GAP43: variants seen among roughly 807,000 people sequenced by gnomAD.
GAP43 encodes the protein neuromodulin.
In GAP43, 6 loss-of-function variants were observed where a neutral mutation model predicts 18.6. That is an observed-to-expected ratio of 0.32 (90% CI 0.18 to 0.64). The LOEUF (loss-of-function observed/expected upper bound fraction) is 0.64. Among genes scored for constraint, GAP43 ranks in the 30% least tolerant of loss-of-function variants. GAP43 has a pLI of 0.78. For missense variants in GAP43, 292 were observed against 295.5 expected (o/e 0.99, Z 0.09); for synonymous variants, 115 against 111.4 (o/e 1.03, Z -0.20).
At chr3:115,675,392 A>G (rs1708868135) in intron 1 of GAP43, among the ~76,000 whole-genome samples, 1 of 152,148 alleles carries the variant, frequency 6.6e-6, no homozygotes. Context: ...TTGAGTTGTC[A>G]AAGTACTTCT....
intron 2 of GAP43, among the ~76,000 whole-genome samples, chr3:115,712,412 T>C (rs962108583): frequency 6.9e-6 from 1 of 144,104 alleles, no homozygotes; most frequent in African/African-American, 2.7e-5. Flanking sequence ...AGTGGAAGAA[T>C]TGCTTTTTTT....
chr3:115,628,615 T>A (rs1250259617), intron 1 of GAP43, among the ~76,000 whole-genome samples: 2 of 152,206 alleles, frequency 1.3e-5, no homozygotes, highest in African/African-American at 4.8e-5. Flanking sequence ...TGTCAATCCC[T>A]GTTCCTGAAA....
At chr3:115,707,860 CTT>C (rs1709384057) in intron 2 of GAP43, among the ~76,000 whole-genome samples, 1 of 151,984 alleles carries the variant, frequency 6.6e-6, no homozygotes, top group African/African-American at 2.4e-5. Flanking sequence ...AATTTACAAA[CTT>C]TTGCTATTTC....
chr3:115,713,124 C>T (rs917454533), intron 2 of GAP43, among the ~76,000 whole-genome samples: 2 of 152,106 alleles, frequency 1.3e-5, no homozygotes, highest in African/African-American at 4.8e-5. Flanking sequence ...AAGAAAAAGA[C>T]TGTGTGAGCA....
chr3:115,702,904 G>A (rs961486817), intron 2 of GAP43, among the ~76,000 whole-genome samples: 1 of 152,092 alleles, frequency 6.6e-6, no homozygotes, highest in Non-Finnish European at 1.5e-5. Flanking sequence ...TGAGTCTTAC[G>A]GGAGTCCTGA....
At chr3:115,682,029 T>G (rs991330926) in intron 2 of GAP43, among the ~76,000 whole-genome samples, 1 of 152,222 alleles carries the variant, frequency 6.6e-6, no homozygotes, top group African/African-American at 2.4e-5. Flanking sequence ...AACATCTCTC[T>G]TCTTTGGATA....
In GAP43 at chr3:115,672,018, T is replaced by A. The variant is rs548004825; in HGVS notation, c.31-3995T>A. Among the ~76,000 whole-genome samples the A allele has an allele frequency of 5.9e-5, 9 of 152,356 alleles. No homozygotes were observed. In the East Asian group the frequency reaches 1.5e-3, roughly 26 times the overall value. On this transcript the variant is annotated intron_variant, in intron 1 of 2. Coordinates refer to ENST00000305124, the MANE Select transcript of GAP43 (RefSeq NM_002045.4). ...AGTAGCATTTGTATAGTGCTTAACA[T>A]AGGCACTGAGTATTTTTAAGTGAAT...
intron 1 of GAP43, among the ~76,000 whole-genome samples, chr3:115,625,659 T>C (rs1210191254): frequency 6.6e-6 from 1 of 152,222 alleles, no homozygotes; most frequent in African/African-American, 2.4e-5. Context: ...TGTATGATTT[T>C]TAGAAAAGGA....
intron 1 of GAP43, among the ~76,000 whole-genome samples, chr3:115,656,922 T>C (rs181457145): frequency 5.3e-4 from 81 of 152,342 alleles, no homozygotes; most frequent in African/African-American, 1.3e-3. Flanking sequence ...TTTCCTCATA[T>C]ATAATTTCAT....
chr3:115,713,514 A>C (rs1709466159), intron 2 of GAP43, among the ~76,000 whole-genome samples: 1 of 152,254 alleles, frequency 6.6e-6, no homozygotes, highest in African/African-American at 2.4e-5. Context: ...TCCCTCCAGC[A>C]GCATTGCAAC....
At chr3:115,706,665 G>A (rs1428211905) in intron 2 of GAP43, among the ~76,000 whole-genome samples, 1 of 152,168 alleles carries the variant, frequency 6.6e-6, no homozygotes, top group African/African-American at 2.4e-5. Flanking sequence ...AAGTTTGGCC[G>A]ATGGTCACCT....
chr3:115,720,642 A>G, intron 2 of GAP43, 152 bp from the exon 3 acceptor site: 1 of 529,102 alleles, frequency 1.9e-6, no homozygotes, highest in Non-Finnish European at 3.4e-6. Flanking sequence ...CTTGTAACCT[A>G]CATTAACTGG....
At chr3:115,647,200 A>G (rs1473923643) in intron 1 of GAP43, among the ~76,000 whole-genome samples, 1 of 151,974 alleles carries the variant, frequency 6.6e-6, no homozygotes, top group African/African-American at 2.4e-5. Context: ...CCCTTCTGCC[A>G]TGTGAGAACA....
intron 1 of GAP43, among the ~76,000 whole-genome samples, chr3:115,668,685 A>G (rs774547077): frequency 3.6e-4 from 55 of 152,118 alleles, no homozygotes; most frequent in Non-Finnish European, 7.2e-4. Context: ...CAGCCTCACA[A>G]AGTGCTGAGA....
At chr3:115,641,489 A>C (rs1008124101) in intron 1 of GAP43, among the ~76,000 whole-genome samples, 1 of 142,564 alleles carries the variant, frequency 7.0e-6, no homozygotes, top group Non-Finnish European at 1.5e-5. Context: ...TGTTTTGTGC[A>C]TATATTATAC....
intron 1 of GAP43, among the ~76,000 whole-genome samples, chr3:115,646,764 CTA>C (rs1335198082): frequency 6.6e-6 from 1 of 152,006 alleles, no homozygotes; most frequent in Non-Finnish European, 1.5e-5. Context: ...AGAGACCTCT[CTA>C]TTAAGACTCA....
intron 1 of GAP43, among the ~76,000 whole-genome samples, chr3:115,662,260 A>G (rs777307958): frequency 1.3e-5 from 2 of 152,094 alleles, no homozygotes; most frequent in African/African-American, 2.4e-5. Flanking sequence ...GCCACCAGCT[A>G]CTTCTGTTAT....
At position 115,668,278 on chromosome 3, in the gene GAP43, T is replaced by G. The variant is rs116108370; in HGVS notation, c.31-7735T>G. Among the ~76,000 whole-genome samples, 1,219 of 152,278 alleles carry G rather than the reference T, an allele frequency of 8.0e-3. 15 individuals carry two copies. Among genetic ancestry groups the G allele is most frequent in the African/African-American group, 0.027 (1,132 of 41,538 alleles). On this transcript the variant is annotated intron_variant, in intron 1 of 2. Coordinates refer to ENST00000305124, the MANE Select transcript of GAP43 (RefSeq NM_002045.4). ...ACACTGGGCTCTTCCAACCCCTGTT[T>G]AGGGAAGGAGACTTCCTTCCTTGAA...
chr3:115,697,652 C>A (rs1180161124), intron 2 of GAP43, among the ~76,000 whole-genome samples: 3 of 152,064 alleles, frequency 2.0e-5, no homozygotes, highest in African/African-American at 7.2e-5. Context: ...AGCAGAGAAC[C>A]ATTTTAGCAA....
Sources: allele counts gnomAD v4.1 joint callset (sites outside exome capture counted in the v4.1 genomes callset), GRCh38; gene constraint gnomAD v4.1.1; transcripts MANE v1.5; gene names NCBI Gene and HGNC (gene_info 2026-07-23, HGNC 2026-07-21).